The following PYGO1 variants were observed in gnomAD, a reference collection of about 807,000 sequenced individuals.
The protein encoded by PYGO1 is pygopus family PHD finger 1.
A neutral mutation model predicts 29.5 loss-of-function variants in PYGO1; 6 were observed. The observed-to-expected ratio is 0.20, with a 90% CI of 0.11 to 0.40. The LOEUF (loss-of-function observed/expected upper bound fraction) is 0.40, where lower values mean the gene tolerates loss of function less well. PYGO1 is among the 10% of genes least tolerant of loss of function. The probability of loss-of-function intolerance (pLI) is 1.00; values close to 1 mark genes in which losing one functional copy is unlikely to be tolerated. For missense variants in PYGO1, 515 were observed against 514.9 expected (o/e 1.00, Z 0.00); for synonymous variants, 186 against 180.5 (o/e 1.03, Z -0.24).
chr15:55,554,961 C>T (rs527532271), intron 1 of PYGO1, among the ~76,000 whole-genome samples: 1 of 152,134 alleles, frequency 6.6e-6, no homozygotes, highest in South Asian at 2.1e-4. Context: ...GGAGAACATC[C>T]CCAACCTAGC....
At chr15:55,547,369 T>A (rs2058857263) in intron 2 of PYGO1, among the ~76,000 whole-genome samples, 1 of 152,132 alleles carries the variant, frequency 6.6e-6, no homozygotes, top group Admixed American at 6.5e-5. Flanking sequence ...CAAAAGAAAA[T>A]AAAGTATGAT....
intron 1 of PYGO1, among the ~76,000 whole-genome samples, chr15:55,581,485 T>C (rs1678806461): frequency 6.6e-6 from 1 of 152,156 alleles, no homozygotes; most frequent in African/African-American, 2.4e-5. Context: ...CTGAATAATT[T>C]TACAAAAGAG....
At chr15:55,573,687 CTG>C (rs1412350699) in intron 1 of PYGO1, among the ~76,000 whole-genome samples, 1 of 152,304 alleles carries the variant, frequency 6.6e-6, no homozygotes, top group East Asian at 1.9e-4. Flanking sequence ...CTCTGATACT[CTG>C]TGCAGTCAAA....
At chr15:55,582,986 C>G (rs1382550888) in intron 1 of PYGO1, among the ~76,000 whole-genome samples, 1 of 152,038 alleles carries the variant, frequency 6.6e-6, no homozygotes, top group African/African-American at 2.4e-5. Flanking sequence ...CTGTACTACT[C>G]CATTCTAAAA....
chr15:55,577,121 C>T (rs868406597), intron 1 of PYGO1, among the ~76,000 whole-genome samples: 3 of 152,146 alleles, frequency 2.0e-5, no homozygotes, highest in South Asian at 4.1e-4. Context: ...GACAGAAAGT[C>T]ATCTCTGCTC....
At position 55,576,760 on chromosome 15, in the gene PYGO1, C is replaced by CAAAA. The variant is rs10648446; in HGVS notation, c.49+11071_49+11074dup. 4.2e-3 allele frequency among the ~76,000 whole-genome samples: 223 copies of CAAAA among 53,576 alleles called. 22 individuals are homozygous for CAAAA. Among genetic ancestry groups the CAAAA allele is most frequent in the African/African-American group, 0.013 (209 of 15,860 alleles). The allele number at this position is 53,576 out of a possible 152,430, so 35.1% of individuals were successfully genotyped here. A position where few individuals can be genotyped will look rare whatever the true frequency, so the allele number is the denominator to read the frequency against. ...CTGCACTCCAGCCTGGGCGACAGATCAAAAAAAAGAAGTGGGGGAAAAGAT... is the reference window on the plus strand; with the variant it reads ...CTGCACTCCAGCCTGGGCGACAGATCAAAAAAAAAAAAGAAGTGGGGGAAAAGAT... On this transcript the variant is annotated intron_variant, in intron 1 of 2. Coordinates refer to ENST00000563719, the MANE Select transcript of PYGO1 (RefSeq NM_001367806.1).
rs573277189 is a variant in PYGO1, at chr15:55,551,279, C to T, written c.50-2284G>A. Among the ~76,000 whole-genome samples, 10 of 152,270 alleles carry T rather than the reference C, an allele frequency of 6.6e-5. No individual in the cohort carries two copies. In the East Asian group the frequency reaches 1.9e-3, roughly 29 times the overall value. On this transcript the variant is annotated intron_variant, in intron 1 of 2. Transcript: ENST00000563719. ...TGGTCTGTTCTTCCACTAGAAGGAA[C>T]CTAATTTCTGGTTGATTTTCTTTAA...
chr15:55,569,782 G>C (rs1284130350), intron 1 of PYGO1, among the ~76,000 whole-genome samples: 1 of 152,178 alleles, frequency 6.6e-6, no homozygotes, highest in African/African-American at 2.4e-5. Context: ...TTGATGGATG[G>C]TGGCTGTGCC....
At chr15:55,569,098 G>A (rs2058969537) in intron 1 of PYGO1, among the ~76,000 whole-genome samples, 2 of 151,658 alleles carry the variant, frequency 1.3e-5, no homozygotes, top group South Asian at 4.2e-4. Context: ...TTGGGATGAT[G>A]GGACTCATTC....
At chr15:55,579,396 A>C (rs1046172629) in intron 1 of PYGO1, among the ~76,000 whole-genome samples, 21 of 152,264 alleles carry the variant, frequency 1.4e-4, no homozygotes, top group Non-Finnish European at 3.1e-4. Flanking sequence ...CTAACATGTC[A>C]TGAGTATTTC....
chr15:55,564,466 T>C (rs911071589), intron 1 of PYGO1, among the ~76,000 whole-genome samples: 4 of 152,076 alleles, frequency 2.6e-5, no homozygotes, highest in African/African-American at 9.7e-5. Flanking sequence ...TGGAAAGTAA[T>C]ATAGAATTAG....
At chr15:55,566,916 G>C (rs1014384528) in intron 1 of PYGO1, among the ~76,000 whole-genome samples, 2 of 152,084 alleles carry the variant, frequency 1.3e-5, no homozygotes, top group African/African-American at 4.8e-5. Flanking sequence ...ATTTTGAGTA[G>C]AGAAGGGGTT....
At chr15:55,549,533 T>C (rs1189606771) in intron 1 of PYGO1, among the ~76,000 whole-genome samples, 2 of 152,158 alleles carry the variant, frequency 1.3e-5, no homozygotes, top group Non-Finnish European at 2.9e-5. Context: ...TATTGATCAA[T>C]GTTTAAGTTG....
In PYGO1 at chr15:55,541,653, C is replaced by T. The variant is rs909264915; in HGVS notation, c.*4370G>A. ...CAACTACTACTGCCACACAAAGACACAGGATTTCTGATGGGAGGAAAGATA... is the reference window on the plus strand; with the variant it reads ...CAACTACTACTGCCACACAAAGACATAGGATTTCTGATGGGAGGAAAGATA... On this transcript the variant is annotated 3_prime_UTR_variant, in exon 3 of 3. Transcript: ENST00000563719. 2.0e-5 allele frequency: 3 copies of T among 152,246 alleles called. No homozygotes were observed. Among genetic ancestry groups the T allele is most frequent in the Admixed American group, 1.3e-4 (2 of 15,290 alleles). 9.4% of individuals were successfully genotyped at this position (152,246 alleles called of 1,614,324 possible). A position where few individuals can be genotyped will look rare whatever the true frequency, so the allele number is the denominator to read the frequency against.
chr15:55,558,885 A>G (rs2058919822), intron 1 of PYGO1, among the ~76,000 whole-genome samples: 2 of 151,900 alleles, frequency 1.3e-5, no homozygotes, highest in South Asian at 4.2e-4. Context: ...AAATCCCTAG[A>G]AGAAAACCTA....
At chr15:55,581,582 C>T (rs912163909) in intron 1 of PYGO1, among the ~76,000 whole-genome samples, 4 of 152,176 alleles carry the variant, frequency 2.6e-5, no homozygotes, top group Non-Finnish European at 5.9e-5. Context: ...TGAGTTCCGG[C>T]TTTGCTGCTT....
rs576924509 is a variant in PYGO1 at position 55,556,377 on chromosome 15, GAAC to G, written c.50-7385_50-7383del. Among the ~76,000 whole-genome samples, 31 of 152,202 alleles carry G rather than the reference GAAC, an allele frequency of 2.0e-4. No individual in the cohort carries two copies. The South Asian group carries it at 6.4e-3, about 32-fold the overall frequency. On this transcript the variant is annotated intron_variant, in intron 1 of 2. Transcript: ENST00000563719. The stretch of plus-strand genomic sequence containing the variant: ...AAAACCATACAACTACATGAAAACT[GAAC>G]AACCTGCTCCTGAATGACTCCCGGG...
At chr15:55,588,708 C>T (rs1011935648), upstream of PYGO1, 11 of 1,390,124 alleles carry the variant, frequency 7.9e-6, no homozygotes, top group Non-Finnish European at 1.0e-5. Flanking sequence ...CTACCGGGCC[C>T]AGCTTTCGCA....
chr15:55,578,881 T>C (rs975816613), intron 1 of PYGO1, among the ~76,000 whole-genome samples: 4 of 152,216 alleles, frequency 2.6e-5, no homozygotes, highest in East Asian at 1.9e-4. Context: ...CTTTGGTTAA[T>C]TGAGTAAAAC....
Sources: allele counts gnomAD v4.1 joint callset (sites outside exome capture counted in the v4.1 genomes callset), GRCh38; gene constraint gnomAD v4.1.1; transcripts MANE v1.5; gene names NCBI Gene and HGNC (gene_info 2026-07-23, HGNC 2026-07-21).